Variants in SLC25A21 observed in about 807,000 individuals in gnomAD.
The protein encoded by SLC25A21 is mitochondrial 2-oxodicarboxylate carrier.
Under a neutral mutation model 43.8 loss-of-function variants are expected in SLC25A21, and 47 were observed. That is an observed-to-expected ratio of 1.07 (90% confidence interval 0.85 to 1.37). The LOEUF (loss-of-function observed/expected upper bound fraction) is 1.37. Among genes scored for constraint, SLC25A21 ranks in the 40% most tolerant of loss-of-function variants. The pLI is 0.00. For synonymous variants in SLC25A21, 131 were observed against 121.3 expected, an observed-to-expected ratio of 1.08 and a Z score of -0.52; for missense variants, 352 against 350.2, an observed-to-expected ratio of 1.00 and a Z score of -0.04.
At chr14:36,945,357 T>G (rs1172288597) in intron 1 of SLC25A21, among the ~76,000 whole-genome samples, 2 of 152,142 alleles carry the variant, frequency 1.3e-5, no homozygotes, top group Non-Finnish European at 2.9e-5. Context: ...AAAATCCACT[T>G]CTGGGCATAT....
chr14:36,784,434 G>A (rs1887178766), intron 3 of SLC25A21, among the ~76,000 whole-genome samples: 1 of 152,092 alleles, frequency 6.6e-6, no homozygotes, highest in African/African-American at 2.4e-5. Flanking sequence ...ATTCAATTTG[G>A]TAGTGGCCTG....
intron 1 of SLC25A21, among the ~76,000 whole-genome samples, chr14:37,074,669 T>TA (rs1240727211): frequency 6.6e-6 from 1 of 151,844 alleles, no homozygotes; most frequent in African/African-American, 2.4e-5. Context: ...CCGTCTCTAC[T>TA]AAAAATACAA....
At chr14:36,978,092 T>C (rs1399507936) in intron 1 of SLC25A21, among the ~76,000 whole-genome samples, 1 of 152,180 alleles carries the variant, frequency 6.6e-6, no homozygotes, top group Non-Finnish European at 1.5e-5. Context: ...TATTAATATA[T>C]AAGTGATTAG....
intron 3 of SLC25A21, among the ~76,000 whole-genome samples, chr14:36,743,252 A>G (rs970541536): frequency 6.6e-6 from 1 of 152,170 alleles, no homozygotes; most frequent in Non-Finnish European, 1.5e-5. Flanking sequence ...GTGGGTGTTC[A>G]TTGCCCCATT....
At chr14:37,120,238 T>G (rs1963182899) in intron 1 of SLC25A21, among the ~76,000 whole-genome samples, 1 of 152,132 alleles carries the variant, frequency 6.6e-6, no homozygotes, top group African/African-American at 2.4e-5. Context: ...CTGGAGCAAA[T>G]TATCTCCTCA....
At chr14:36,967,052 C>A (rs1156433922) in intron 1 of SLC25A21, among the ~76,000 whole-genome samples, 1 of 152,210 alleles carries the variant, frequency 6.6e-6, no homozygotes, top group Admixed American at 6.5e-5. Flanking sequence ...CCTGCCGCCA[C>A]AACCAACTCT....
At chr14:37,115,815 T>C (rs1286198443) in intron 1 of SLC25A21, among the ~76,000 whole-genome samples, 2 of 152,210 alleles carry the variant, frequency 1.3e-5, no homozygotes, top group Non-Finnish European at 2.9e-5. Flanking sequence ...ATTTCATATA[T>C]AGCAAGTGTA....
intron 1 of SLC25A21, among the ~76,000 whole-genome samples, chr14:36,946,814 A>T (rs919897500): frequency 1.3e-5 from 2 of 152,178 alleles, no homozygotes; most frequent in African/African-American, 4.8e-5. Context: ...ATGAAACATA[A>T]CTTGACAAAT....
chr14:36,678,436 G>T lies in SLC25A21; in HGVS notation c.*2222C>A. On this transcript the variant is annotated 3_prime_UTR_variant, in exon 10 of 10. Coordinates refer to ENST00000331299, the MANE Select transcript of SLC25A21 (RefSeq NM_030631.4). ...GAGCAGATGAACTCTCAGGGCCATA[G>T]TCTTCCTTTGATCTTGTAAAACTTC... 1 of 1,440,280 alleles carries T rather than the reference G, an allele frequency of 6.9e-7. No individual in the cohort carries two copies. Among genetic ancestry groups the T allele is most frequent in the Non-Finnish European group, 9.4e-7 (1 of 1,058,402 alleles). The allele number at this position is 1,440,280 out of a possible 1,614,324, so 89.2% of individuals were successfully genotyped here.
intron 1 of SLC25A21, chr14:37,097,068 T>C (rs982698299): frequency 6.6e-6 from 1 of 151,638 alleles, no homozygotes; most frequent in African/African-American, 2.4e-5. Flanking sequence ...TTTTGGTTCT[T>C]ACGAAAGTGC....
intron 1 of SLC25A21, among the ~76,000 whole-genome samples, chr14:36,991,705 T>TC (rs1960267449): frequency 6.6e-6 from 1 of 151,848 alleles, no homozygotes; most frequent in South Asian, 2.1e-4. Context: ...CCTACCTGTT[T>TC]CCAAAGTCCA....
chr14:37,024,418 G>T (rs978760129), intron 1 of SLC25A21, among the ~76,000 whole-genome samples: 2 of 151,946 alleles, frequency 1.3e-5, no homozygotes, highest in African/African-American at 4.8e-5. Context: ...ACATTTTGAA[G>T]AGCACACCCC....
intron 3 of SLC25A21, among the ~76,000 whole-genome samples, chr14:36,805,115 C>G (rs577846192): frequency 9.8e-4 from 150 of 152,312 alleles, no homozygotes; most frequent in African/African-American, 3.5e-3. Flanking sequence ...AATTTCCACT[C>G]AAACAACTGG....
chr14:37,042,767 C>A (rs746243799), intron 1 of SLC25A21, among the ~76,000 whole-genome samples: 34 of 152,166 alleles, frequency 2.2e-4, no homozygotes, highest in Non-Finnish European at 4.3e-4. Flanking sequence ...ATTTTTAAAA[C>A]AACAATGGGT....
At position 36,683,815 on chromosome 14, in the gene SLC25A21, A is replaced by T. The variant is rs1285576743; in HGVS notation, c.838+13T>A. ...TAAAGAAGGAAGGATTAAATAATCA[A>T]AATTATCATTACCTGGTCCAAGTCT... On this transcript the variant is annotated intron_variant, in intron 9 of 9. Transcript: ENST00000331299. 1.3e-6 allele frequency: 2 copies of T among 1,588,090 alleles called. No homozygotes were observed. Among genetic ancestry groups the T allele is most frequent in the Non-Finnish European group, 1.7e-6 (2 of 1,164,564 alleles).
At chr14:37,162,442 A>G (rs1963961307) in intron 1 of SLC25A21, among the ~76,000 whole-genome samples, 2 of 152,252 alleles carry the variant, frequency 1.3e-5, no homozygotes, top group South Asian at 4.1e-4. Flanking sequence ...ACAAATTTAC[A>G]AGAAAAAAAC....
At chr14:36,862,339 G>C (rs555926707) in intron 2 of SLC25A21, among the ~76,000 whole-genome samples, 1 of 152,298 alleles carries the variant, frequency 6.6e-6, no homozygotes, top group Non-Finnish European at 1.5e-5. Flanking sequence ...GTTCACAATA[G>C]CAAAGACTTG....
chr14:37,117,257 G>A (rs1448957929), intron 1 of SLC25A21, among the ~76,000 whole-genome samples: 1 of 151,946 alleles, frequency 6.6e-6, no homozygotes, highest in Non-Finnish European at 1.5e-5. Context: ...CTTTTTTTCA[G>A]GGCATCAGCA....
chr14:36,712,833 C>T (rs1183337715), intron 6 of SLC25A21, among the ~76,000 whole-genome samples: 1 of 152,202 alleles, frequency 6.6e-6, no homozygotes, highest in Non-Finnish European at 1.5e-5. Context: ...TGTTTGACAA[C>T]ATGAGATTTT....
Sources: allele counts gnomAD v4.1 joint callset (sites outside exome capture counted in the v4.1 genomes callset), GRCh38; gene constraint gnomAD v4.1.1; transcripts MANE v1.5; gene names NCBI Gene and HGNC (gene_info 2026-07-23, HGNC 2026-07-21).